The following SHTN1 variants were observed in gnomAD, a reference collection of about 807,000 sequenced individuals.
SHTN1 encodes the protein shootin-1.
Under a neutral mutation model 83.1 loss-of-function variants are expected in SHTN1, and 42 were observed. That is an observed-to-expected ratio of 0.51 (90% CI 0.39 to 0.65). The LOEUF (loss-of-function observed/expected upper bound fraction) is 0.65, where lower values mean the gene tolerates loss of function less well. Ranked by LOEUF, SHTN1 falls within the 30% of genes least tolerant of loss-of-function variation. The pLI, the probability that SHTN1 is intolerant of heterozygous loss-of-function variation, is 0.00. For missense variants in SHTN1, 622 were observed against 737.8 expected, an observed-to-expected ratio of 0.84 and a Z score of 1.82; for synonymous variants, 224 against 247.7, an observed-to-expected ratio of 0.90 and a Z score of 0.90.
chr10:117,027,950 A>C (rs1852354386), intron 2 of SHTN1, among the ~76,000 whole-genome samples: 2 of 152,228 alleles, frequency 1.3e-5, no homozygotes, highest in African/African-American at 2.4e-5. Context: ...GCTCAGAAGA[A>C]GACAGGAAGA....
At chr10:117,068,250 C>T (rs899088906) in intron 1 of SHTN1, among the ~76,000 whole-genome samples, 27 of 151,996 alleles carry the variant, frequency 1.8e-4, no homozygotes, top group African/African-American at 5.3e-4. Flanking sequence ...ATTAGCCAGG[C>T]GCAGTGGTGG....
intron 12 of SHTN1, among the ~76,000 whole-genome samples, chr10:116,919,668 C>G (rs1199264728): frequency 6.6e-6 from 1 of 151,984 alleles, no homozygotes; most frequent in African/African-American, 2.4e-5. Context: ...AAAAATGAAA[C>G]AAAATTTAAA....
At chr10:117,053,653 A>G (rs1852781209) in intron 1 of SHTN1, among the ~76,000 whole-genome samples, 1 of 152,216 alleles carries the variant, frequency 6.6e-6, no homozygotes, top group African/African-American at 2.4e-5. Flanking sequence ...ACGCATTGCT[A>G]GTGAGAACAT....
intron 1 of SHTN1, among the ~76,000 whole-genome samples, chr10:117,001,605 T>C (rs1851823674): frequency 6.6e-6 from 1 of 152,048 alleles, no homozygotes; most frequent in Non-Finnish European, 1.5e-5. Context: ...CAGGGCAAAA[T>C]GAAGAGAGAT....
intron 1 of SHTN1, among the ~76,000 whole-genome samples, chr10:117,053,694 T>G (rs113647395): frequency 6.6e-6 from 1 of 152,230 alleles, no homozygotes; most frequent in Non-Finnish European, 1.5e-5. Context: ...GAAAACAGTT[T>G]GGTAGTTCCT....
intron 1 of SHTN1, among the ~76,000 whole-genome samples, chr10:116,990,713 T>C (rs1171533241): frequency 1.3e-5 from 2 of 152,160 alleles, no homozygotes; most frequent in Non-Finnish European, 2.9e-5. Context: ...ACACACCCCA[T>C]GGGCAGCTTT....
chr10:117,116,122 T>C (rs1024873576), intron 1 of SHTN1, among the ~76,000 whole-genome samples: 2 of 151,192 alleles, frequency 1.3e-5, no homozygotes, highest in Non-Finnish European at 2.9e-5. Flanking sequence ...ATCAATGAAA[T>C]GAAAAGTTGG....
At chr10:117,065,935 G>A (rs1381052481) in intron 1 of SHTN1, among the ~76,000 whole-genome samples, 4 of 149,174 alleles carry the variant, frequency 2.7e-5, no homozygotes, top group Non-Finnish European at 6.0e-5. Context: ...TGGGCATGGT[G>A]ACTCATGCCT....
intron 6 of SHTN1, among the ~76,000 whole-genome samples, chr10:116,949,329 T>A (rs1374703167): frequency 6.6e-6 from 1 of 152,092 alleles, no homozygotes; most frequent in Non-Finnish European, 1.5e-5. Context: ...TGGGGTCTCC[T>A]ATGTTGCCGA....
At chr10:117,070,430 G>A (rs1853063597) in intron 1 of SHTN1, among the ~76,000 whole-genome samples, 1 of 151,862 alleles carries the variant, frequency 6.6e-6, no homozygotes, top group African/African-American at 2.4e-5. Flanking sequence ...TGTGTTCTAT[G>A]CTTTTTTTCC....
intron 2 of SHTN1, among the ~76,000 whole-genome samples, chr10:116,970,784 TTACA>T (rs1850589456): frequency 2.0e-5 from 3 of 151,610 alleles, no homozygotes; most frequent in South Asian, 4.2e-4. Context: ...AAATAATATC[TTACA>T]TACACAAATG....
At chr10:117,081,237 A>G (rs112174473) in intron 1 of SHTN1, among the ~76,000 whole-genome samples, 1 of 152,006 alleles carries the variant, frequency 6.6e-6, no homozygotes, top group African/African-American at 2.4e-5. Flanking sequence ...GAGAGTTTTT[A>G]GCATGAAAGG....
intron 2 of SHTN1, among the ~76,000 whole-genome samples, chr10:116,978,732 G>A (rs762226324): frequency 1.7e-4 from 26 of 152,234 alleles, no homozygotes; most frequent in Non-Finnish European, 2.1e-4. Flanking sequence ...CAGAACCCCT[G>A]AAAATATTCA....
intron 2 of SHTN1, among the ~76,000 whole-genome samples, chr10:117,020,648 TA>T (rs879698482): frequency 9.5e-5 from 14 of 147,348 alleles, no homozygotes; most frequent in East Asian, 2.0e-4. Flanking sequence ...TCCACCATAT[TA>T]AAAAAAAAAC....
intron 1 of SHTN1, among the ~76,000 whole-genome samples, chr10:117,060,835 C>T (rs1037543486): frequency 6.6e-6 from 1 of 152,084 alleles, no homozygotes; most frequent in Non-Finnish European, 1.5e-5. Flanking sequence ...TACTTATGGT[C>T]GGAAAAGCGA....
At chr10:116,921,385 C>A (rs1208049659) in intron 12 of SHTN1, 49 bp downstream of exon 12, 2 of 1,384,218 alleles carry the variant, frequency 1.4e-6, no homozygotes, top group African/African-American at 1.4e-5. Context: ...GTGAATTGCC[C>A]CAAAATGGTA....
chr10:116,940,399 T>C, intron 9 of SHTN1, 67 bp downstream of exon 9: 3 of 1,465,560 alleles, frequency 2.0e-6, no homozygotes, highest in Non-Finnish European at 2.8e-6. Context: ...GCTCCCTTCA[T>C]CTTAAATATA....
intron 3 of SHTN1, among the ~76,000 whole-genome samples, chr10:116,962,820 T>C (rs1850230391): frequency 6.6e-6 from 1 of 152,028 alleles, no homozygotes; most frequent in Non-Finnish European, 1.5e-5. Context: ...AATTGCGCAT[T>C]AATTTTTAGT....
At chr10:116,955,219 TGTG>T (rs1169097723) in intron 4 of SHTN1, among the ~76,000 whole-genome samples, 1 of 152,132 alleles carries the variant, frequency 6.6e-6, no homozygotes, top group African/African-American at 2.4e-5. Context: ...CTTTAGCTAA[TGTG>T]TTTATGTACA....
Sources: allele counts gnomAD v4.1 joint callset (sites outside exome capture counted in the v4.1 genomes callset), GRCh38; gene constraint gnomAD v4.1.1; transcripts MANE v1.5; gene names NCBI Gene and HGNC (gene_info 2026-07-23, HGNC 2026-07-21).